PRR16: variants seen among roughly 807,000 people sequenced by gnomAD.
PRR16 encodes protein Largen.
In PRR16, 6 loss-of-function variants were observed where a neutral mutation model predicts 18.2. That is an observed-to-expected ratio of 0.33 (90% confidence interval 0.18 to 0.65). The LOEUF (loss-of-function observed/expected upper bound fraction) is 0.65. Ranked by LOEUF, PRR16 falls within the 30% of genes least tolerant of loss-of-function variation. The pLI is 0.74. For missense variants in PRR16, 412 were observed against 376.6 expected (o/e 1.09, Z -0.78); for synonymous variants, 151 against 147.8 (o/e 1.02, Z -0.16).
the PRR16 span, among the ~76,000 whole-genome samples, chr5:120,741,863 C>T: frequency 6.6e-6 from 1 of 152,140 alleles, no homozygotes; most frequent in African/African-American, 2.4e-5. Flanking sequence ...AGCCTCCCAA[C>T]GTGCTGGGAT....
In PRR16 at chr5:120,488,934, G is replaced by T. The variant is rs1749917770; in HGVS notation, c.159+24289G>T. Among the ~76,000 whole-genome samples the T allele has an allele frequency of 2.0e-5, 3 of 152,254 alleles. No individual in the cohort carries two copies. The South Asian group carries it at 6.2e-4, about 32-fold the overall frequency. On this transcript the variant is annotated intron_variant, in intron 1 of 1. Coordinates refer to ENST00000407149, the MANE Select transcript of PRR16 (RefSeq NM_001300783.2). ...CCCAGTAGTCATTCAGGAGCAGGTT[G>T]TTCAGTTTTGATGTAGTTGAGTGGT...
chr5:120,540,304 A>G (rs1751869066), intron 1 of PRR16, among the ~76,000 whole-genome samples: 1 of 151,396 alleles, frequency 6.6e-6, no homozygotes, highest in African/African-American at 2.4e-5. Flanking sequence ...GCTAGATTGT[A>G]TGTTTTTGAA....
chr5:120,571,065 C>T (rs752850827), intron 1 of PRR16, among the ~76,000 whole-genome samples: 5 of 152,004 alleles, frequency 3.3e-5, no homozygotes, highest in East Asian at 1.9e-4. Context: ...TCTTAGAAGA[C>T]GGCATTTGAG....
chr5:120,788,318 T>TA, the PRR16 span, among the ~76,000 whole-genome samples: 192 of 152,176 alleles, frequency 1.3e-3, no homozygotes, highest in Non-Finnish European at 2.3e-3. Context: ...TAATAAGCTG[T>TA]AGCAGCTTAT....
At chr5:120,780,831 C>T in the PRR16 span, among the ~76,000 whole-genome samples, 1 of 152,076 alleles carries the variant, frequency 6.6e-6, no homozygotes, top group Non-Finnish European at 1.5e-5. Context: ...CGGGGGGAAT[C>T]GCGAGGTCAG....
the PRR16 span, among the ~76,000 whole-genome samples, chr5:120,728,687 A>C: frequency 3.3e-5 from 5 of 152,192 alleles, no homozygotes; most frequent in African/African-American, 2.4e-5. Context: ...CTGTCTGTCA[A>C]GCTGGATGGC....
intron 1 of PRR16, among the ~76,000 whole-genome samples, chr5:120,497,497 C>A (rs1174250074): frequency 4.1e-5 from 6 of 146,044 alleles, no homozygotes; most frequent in Admixed American, 7.1e-5. Flanking sequence ...TCACACGATT[C>A]TCCTGCCTCA....
intron 1 of PRR16, among the ~76,000 whole-genome samples, chr5:120,607,561 A>G (rs1486835599): frequency 6.6e-6 from 1 of 152,128 alleles, no homozygotes; most frequent in Non-Finnish European, 1.5e-5. Flanking sequence ...CCCTTGATCT[A>G]TGCTTCATTA....
chr5:120,754,546 TATATA>T, the PRR16 span, among the ~76,000 whole-genome samples: 1 of 83,094 alleles, frequency 1.2e-5, no homozygotes, highest in African/African-American at 5.5e-5. Flanking sequence ...TATGTAATTA[TATATA>T]ATATATATTA....
the PRR16 span, among the ~76,000 whole-genome samples, chr5:120,761,778 C>T: frequency 2.0e-5 from 3 of 152,014 alleles, no homozygotes; most frequent in African/African-American, 7.2e-5. Context: ...GTTAACAATA[C>T]TCACCCTACT....
At chr5:120,530,285 T>A (rs6895315) in intron 1 of PRR16, among the ~76,000 whole-genome samples, 1,117 of 83,908 alleles carry the variant, frequency 0.013, 11 homozygotes, top group African/African-American at 0.032. Flanking sequence ...ATATATATAT[T>A]TATTTATTTA....
chr5:120,761,462 C>T, the PRR16 span, among the ~76,000 whole-genome samples: 1 of 151,964 alleles, frequency 6.6e-6, no homozygotes, highest in Non-Finnish European at 1.5e-5. Context: ...CGGAAATGCC[C>T]GATTCTCTTT....
the PRR16 span, among the ~76,000 whole-genome samples, chr5:120,754,333 TATATAA>T: frequency 0.081 from 6,134 of 75,880 alleles, 528 homozygotes; most frequent in Middle Eastern, 0.24. Context: ...TTATATGTTA[TATATAA>T]ATATATGTTA....
intron 1 of PRR16, among the ~76,000 whole-genome samples, chr5:120,559,424 A>G (rs1752510155): frequency 2.0e-5 from 3 of 151,760 alleles, no homozygotes; most frequent in Admixed American, 2.0e-4. Context: ...TGTCTTACCT[A>G]GTGTATATCC....
the PRR16 span, among the ~76,000 whole-genome samples, chr5:120,789,316 T>A: frequency 6.6e-6 from 1 of 152,134 alleles, no homozygotes; most frequent in Non-Finnish European, 1.5e-5. Flanking sequence ...GATGTTGGGT[T>A]GTCAGGGTGA....
Position 120,557,759 on chromosome 5 carries a change from A to G in PRR16, c.159+93114A>G, listed in dbSNP as rs547055304. On this transcript the variant is annotated intron_variant, in intron 1 of 1. Transcript: ENST00000407149. ...TAAATACTTTGAAAAAGCAATATGAACCATATCTGATAGATTATTGACAAT... is the reference window on the plus strand; with the variant it reads ...TAAATACTTTGAAAAAGCAATATGAGCCATATCTGATAGATTATTGACAAT... Among the ~76,000 whole-genome samples the G allele has an allele frequency of 4.6e-5, 7 of 152,078 alleles. No homozygotes were observed. The South Asian group carries it at 1.0e-3, about 22-fold the overall frequency.
chr5:120,607,652 A>T (rs78351789), intron 1 of PRR16, among the ~76,000 whole-genome samples: 3,038 of 152,220 alleles, frequency 0.02, 32 homozygotes, highest in South Asian at 0.034. Flanking sequence ...GCAATTTCCT[A>T]CCAGAGCTTC....
chr5:120,696,974 C>A, the PRR16 span, among the ~76,000 whole-genome samples: 2 of 13,714 alleles, frequency 1.5e-4, no homozygotes, highest in African/African-American at 1.9e-4. Flanking sequence ...TGACCTGAAC[C>A]AAGAAAATAA....
At chr5:120,753,869 ATTATATAT>A in the PRR16 span, among the ~76,000 whole-genome samples, 1 of 59,686 alleles carries the variant, frequency 1.7e-5, no homozygotes, top group Non-Finnish European at 3.0e-5. Context: ...TATCTTATAT[ATTATATAT>A]TTATATATTA....
Sources: gnomAD v4.1 joint callset for allele counts (sites outside exome capture counted in the v4.1 genomes callset) on GRCh38, gnomAD v4.1.1 for gene constraint, MANE v1.5 for transcripts, NCBI Gene and HGNC (gene_info 2026-07-23, HGNC 2026-07-21) for gene names.